DOCK7: variants seen among roughly 807,000 people sequenced by gnomAD.
DOCK7 encodes dedicator of cytokinesis protein 7.
DOCK7 carries 138 observed loss-of-function variants against 271.0 expected under a neutral mutation model. That is an observed-to-expected ratio of 0.51 (90% CI 0.44 to 0.59). DOCK7 has a LOEUF of 0.59. DOCK7 is among the 20% of genes least tolerant of loss of function. DOCK7 has a pLI of 0.00. For missense variants in DOCK7, 2,066 were observed against 2,592.4 expected (o/e 0.80, Z 4.41); for synonymous variants, 823 against 876.1 (o/e 0.94, Z 1.07).
Position 62,535,647 on chromosome 1 carries a change from G to A in DOCK7, c.3472-15C>T. On this transcript the variant is annotated splice_polypyrimidine_tract_variant and intron_variant, in intron 28 of 49. Coordinates refer to ENST00000635253, the MANE Select transcript of DOCK7 (RefSeq NM_001367561.1). The stretch of plus-strand genomic sequence containing the variant: ...AATCCAGAACTCTGTTGGAAAGTGA[G>A]GCAGAACAAGACTATAACAGCAGTG... 6.2e-7 allele frequency: 1 copy of A among 1,610,892 alleles called. No individual in the cohort carries two copies. Among genetic ancestry groups the A allele is most frequent in the Non-Finnish European group, 8.5e-7 (1 of 1,178,380 alleles).
intron 12 of DOCK7, 102 bp from the exon 13 acceptor site, chr1:62,620,095 G>A (rs1012910785): frequency 4.1e-5 from 32 of 789,698 alleles, no homozygotes; most frequent in Admixed American, 2.4e-4. Context: ...TGAGGCGGGC[G>A]GATCATATGA....
chr1:62,674,802 CGCAA>C (rs1486577683), intron 1 of DOCK7, among the ~76,000 whole-genome samples: 1 of 152,022 alleles, frequency 6.6e-6, no homozygotes, highest in Non-Finnish European at 1.5e-5. Flanking sequence ...TAAAAACTAA[CGCAA>C]AATGGAACAT....
At chr1:62,462,110 T>C (rs1186510017) in intron 48 of DOCK7, among the ~76,000 whole-genome samples, 1 of 151,708 alleles carries the variant, frequency 6.6e-6, no homozygotes, top group Non-Finnish European at 1.5e-5. Flanking sequence ...AAGCATTATA[T>C]ACTAAAGAAT....
intron 18 of DOCK7, among the ~76,000 whole-genome samples, chr1:62,565,590 C>T (rs1464458314): frequency 6.6e-6 from 1 of 152,036 alleles, no homozygotes; most frequent in Non-Finnish European, 1.5e-5. Flanking sequence ...TAAGACAAAC[C>T]CACAGCCAAT....
intron 27 of DOCK7, among the ~76,000 whole-genome samples, 197 bp from the exon 28 acceptor site, chr1:62,538,258 AAC>A (rs1296618622): frequency 1.3e-5 from 2 of 152,238 alleles, no homozygotes; most frequent in Non-Finnish European, 2.9e-5. Context: ...TTACTGTATA[AAC>A]ATATTTGACT....
chr1:62,660,879 A>G (rs1658580730), intron 2 of DOCK7, among the ~76,000 whole-genome samples: 1 of 152,186 alleles, frequency 6.6e-6, no homozygotes, highest in Non-Finnish European at 1.5e-5. Flanking sequence ...AAAGAGGATC[A>G]CTTGAACCCA....
At chr1:62,539,981 G>T in intron 25 of DOCK7, 89 bp from the exon 26 acceptor site, 5 of 870,738 alleles carry the variant, frequency 5.7e-6, no homozygotes, top group Non-Finnish European at 6.5e-6. Flanking sequence ...TTAAAATATG[G>T]CATGTAATTT....
At chr1:62,597,749 C>T (rs370895328) in intron 14 of DOCK7, 12 of 1,613,374 alleles carry the variant, frequency 7.4e-6, no homozygotes, top group Non-Finnish European at 8.5e-6. Flanking sequence ...AAGACTTTGT[C>T]CATAAGACGA....
chr1:62,668,093 C>G (rs1197963385), intron 1 of DOCK7, among the ~76,000 whole-genome samples: 1 of 152,026 alleles, frequency 6.6e-6, no homozygotes, highest in Admixed American at 6.6e-5. Context: ...AACACTGTAC[C>G]ACCTAGTAAG....
At chr1:62,610,188 G>A (rs757209800) in intron 14 of DOCK7, among the ~76,000 whole-genome samples, 6 of 152,060 alleles carry the variant, frequency 3.9e-5, no homozygotes, top group African/African-American at 7.2e-5. Context: ...GGACCAATTC[G>A]ATAGAATAAA....
At chr1:62,641,002 T>C (rs1655955557) in intron 7 of DOCK7, 1 of 165,310 alleles carries the variant, frequency 6.0e-6, no homozygotes, top group African/African-American at 2.4e-5. Context: ...GCTTCCTACA[T>C]CCCAGGCTGC....
At chr1:62,567,548 G>C (rs1012082733) in intron 18 of DOCK7, among the ~76,000 whole-genome samples, 1 of 152,022 alleles carries the variant, frequency 6.6e-6, no homozygotes, top group African/African-American at 2.4e-5. Flanking sequence ...GGCCTGTTGG[G>C]GGGTGGAGGG....
At chr1:62,589,971 TCAGA>T (rs1557764961) in intron 14 of DOCK7, among the ~76,000 whole-genome samples, 1 of 151,538 alleles carries the variant, frequency 6.6e-6, no homozygotes, top group East Asian at 1.9e-4. Context: ...GATTCTACGT[TCAGA>T]CAGAGACAGA....
At chr1:62,519,244 G>C (rs1372288664) in intron 31 of DOCK7, among the ~76,000 whole-genome samples, 1 of 152,048 alleles carries the variant, frequency 6.6e-6, no homozygotes, top group Non-Finnish European at 1.5e-5. Flanking sequence ...ATTTAGTAAA[G>C]ACCAAAAAGA....
chr1:62,551,121 A>G (rs1447533392), intron 22 of DOCK7, among the ~76,000 whole-genome samples: 1 of 152,202 alleles, frequency 6.6e-6, no homozygotes, highest in Admixed American at 6.5e-5. Flanking sequence ...TTGGAGGATC[A>G]AGATTAGAGA....
At chr1:62,603,169 T>C (rs1314188280) in intron 14 of DOCK7, among the ~76,000 whole-genome samples, 2 of 151,800 alleles carry the variant, frequency 1.3e-5, no homozygotes, top group Admixed American at 1.3e-4. Flanking sequence ...AACCCCAAAA[T>C]AAAAGGCTGA....
At chr1:62,504,582 G>C in intron 37 of DOCK7, 48 bp downstream of exon 37, 1 of 1,567,726 alleles carries the variant, frequency 6.4e-7, no homozygotes, top group African/African-American at 1.4e-5. Flanking sequence ...ATCAGCAGAA[G>C]TTATATTTCA....
intron 14 of DOCK7, among the ~76,000 whole-genome samples, chr1:62,617,857 C>G (rs1652650189): frequency 1.3e-5 from 2 of 151,682 alleles, no homozygotes; most frequent in African/African-American, 4.8e-5. Context: ...GTAAGAAGTA[C>G]AGATCAGGAT....
intron 48 of DOCK7, among the ~76,000 whole-genome samples, chr1:62,460,098 C>CAAAAAAAAAAAA (rs71053316): frequency 1.5e-5 from 1 of 66,022 alleles, no homozygotes; most frequent in Non-Finnish European, 2.7e-5. Context: ...AGACTCGTCT[C>CAAAAAAAAAAAA]AAAAAAAAAA....
Sources: allele counts gnomAD v4.1 joint callset (sites outside exome capture counted in the v4.1 genomes callset), GRCh38; gene constraint gnomAD v4.1.1; transcripts MANE v1.5; gene names NCBI Gene and HGNC (gene_info 2026-07-23, HGNC 2026-07-21).